Variants in NAV2 observed in about 807,000 individuals in gnomAD.
NAV2 encodes helicase, APC down-regulated 1.
NAV2 carries 54 observed loss-of-function variants against 223.2 expected under a neutral mutation model. That is an observed-to-expected ratio of 0.24 (90% CI 0.19 to 0.30). NAV2 has a LOEUF of 0.30. Among genes scored for constraint, NAV2 ranks in the 10% least tolerant of loss-of-function variants. The pLI is 1.00. For synonymous variants in NAV2, 1,279 were observed against 1,239.3 expected (o/e 1.03, Z -0.67); for missense variants, 2,806 against 3,147.5 (o/e 0.89, Z 2.60).
At chr11:19,398,022 T>C (rs941428059) in intron 1 of NAV2, among the ~76,000 whole-genome samples, 1 of 152,134 alleles carries the variant, frequency 6.6e-6, no homozygotes, top group Non-Finnish European at 1.5e-5. Flanking sequence ...ACTGGGGAAA[T>C]GGCACTGCTG....
Position 19,902,715 on chromosome 11 carries a change from G to T in NAV2, c.931+10121G>T, listed in dbSNP as rs190555598. 8.5e-5 allele frequency among the ~76,000 whole-genome samples: 13 copies of T among 152,164 alleles called. No homozygotes were observed. The East Asian group carries it at 2.5e-3, about 29-fold the overall frequency. ...GGAGGGAGAAGTATTTACCTTTCTG[G>T]GTGCTCTCATAATAGTCATTTTTAT... On this transcript the variant is annotated intron_variant, in intron 6 of 37. Coordinates refer to ENST00000349880, the MANE Select transcript of NAV2 (RefSeq NM_145117.5).
chr11:19,810,768 G>A (rs1018823877), intron 1 of NAV2, among the ~76,000 whole-genome samples: 6 of 152,160 alleles, frequency 3.9e-5, no homozygotes, highest in African/African-American at 1.4e-4. Flanking sequence ...TGAGGTTGAG[G>A]TAGATGCCCA....
chr11:19,897,457 A>G (rs539324673), intron 6 of NAV2, among the ~76,000 whole-genome samples: 1 of 152,296 alleles, frequency 6.6e-6, no homozygotes, highest in Admixed American at 6.5e-5. Context: ...TTTGTAGGGA[A>G]ATCCTAAAGA....
intron 1 of NAV2, among the ~76,000 whole-genome samples, chr11:19,532,530 C>T (rs2044056510): frequency 6.6e-6 from 1 of 152,184 alleles, no homozygotes; most frequent in Non-Finnish European, 1.5e-5. Flanking sequence ...CTTTGAACAT[C>T]TACTAGGTGA....
intron 1 of NAV2, among the ~76,000 whole-genome samples, chr11:19,422,341 T>C (rs1435697370): frequency 6.6e-6 from 1 of 152,190 alleles, no homozygotes; most frequent in Non-Finnish European, 1.5e-5. Flanking sequence ...TTAAGAGGCC[T>C]TCATGCGTGA....
At position 19,933,404 on chromosome 11, in the gene NAV2, C is replaced by T; in HGVS notation, c.1160C>T (p.Thr387Ile). The change falls in exon 7 of 38, where the codon ACA (threonine) becomes ATA (isoleucine). Residue 387 changes from threonine to isoleucine, a missense_variant. Around this residue, in one of 4 missense-constraint regions of NAV2, gnomAD observed 1,167 missense variants for 1,180.5 expected, o/e 0.99. Transcript: ENST00000349880. The surrounding 1 kb of genome is among the most constrained non-coding windows in gnomAD (Gnocchi z 4.3). ...CCTGGGCCTGAGGCCCCCAGGCCCACACCTGAAGCCATGAAGCCGGCCCCC... is the reference window on the plus strand; with the variant it reads ...CCTGGGCCTGAGGCCCCCAGGCCCATACCTGAAGCCATGAAGCCGGCCCCC... ...KPPGPEAPRP[T>I]PEAMKPAPNN... 1 of 1,579,430 alleles carries T rather than the reference C, an allele frequency of 6.3e-7. No homozygotes were observed. Among genetic ancestry groups the T allele is most frequent in the Non-Finnish European group, 8.6e-7 (1 of 1,163,384 alleles).
chr11:19,783,795 T>C (rs2152690947), intron 1 of NAV2, among the ~76,000 whole-genome samples: 1 of 152,314 alleles, frequency 6.6e-6, no homozygotes, highest in East Asian at 1.9e-4. Context: ...AAGATACAGG[T>C]ATTCAGAGCA....
chr11:19,741,613 C>G (rs1399130785), intron 1 of NAV2, among the ~76,000 whole-genome samples: 1 of 148,036 alleles, frequency 6.8e-6, no homozygotes, highest in Non-Finnish European at 1.5e-5. Flanking sequence ...CATGTTGATG[C>G]AAATGGCATG....
chr11:19,823,479 T>A (rs7947154), intron 1 of NAV2, among the ~76,000 whole-genome samples: 148,354 of 152,298 alleles, frequency 0.97, 72,366 homozygotes, highest in East Asian at 1. Flanking sequence ...AAGTGTTGGA[T>A]TTACAGGCGT....
rs368683987 is a variant in NAV2, at chr11:20,068,308, C to T, written c.4909-16C>T. On this transcript the variant is annotated splice_polypyrimidine_tract_variant and intron_variant, in intron 21 of 37. Coordinates refer to ENST00000349880, the MANE Select transcript of NAV2 (RefSeq NM_145117.5). ...GGACCCCCAAAGCATGTAACCCTCT[C>T]CCTTGTCATCTTTAGATTCGCAAGC... The T allele has an allele frequency of 7.4e-6, 12 of 1,613,618 alleles. No individual in the cohort carries two copies. Among genetic ancestry groups the T allele is most frequent in the African/African-American group, 2.7e-5 (2 of 74,902 alleles).
chr11:19,568,834 A>T lies in NAV2; in HGVS notation c.75+217807A>T, dbSNP rs554416959. Among the ~76,000 whole-genome samples, 28 of 152,282 alleles carry T rather than the reference A, an allele frequency of 1.8e-4. No individual in the cohort carries two copies. The South Asian group carries it at 2.9e-3, about 16-fold the overall frequency. On this transcript the variant is annotated intron_variant, in intron 1 of 37. Coordinates refer to the NAV2 transcript ENST00000360655. ...GCAAAGGTGAGGTCTCTCTAATTCT[A>T]ATCTAAGTGGATCTGATTAGGAGTT...
At chr11:19,812,254 C>T (rs990966528) in intron 1 of NAV2, among the ~76,000 whole-genome samples, 1 of 151,932 alleles carries the variant, frequency 6.6e-6, no homozygotes, top group African/African-American at 2.4e-5. Context: ...GAGAACCACC[C>T]CCTGAGCCTT....
At chr11:19,766,898 T>C (rs1366113679) in intron 1 of NAV2, among the ~76,000 whole-genome samples, 1 of 152,026 alleles carries the variant, frequency 6.6e-6, no homozygotes, top group Non-Finnish European at 1.5e-5. Context: ...AGGGCAATCA[T>C]AAAAGGCCCC....
intron 19 of NAV2, among the ~76,000 whole-genome samples, chr11:20,057,364 T>C (rs1419926107): frequency 6.6e-6 from 1 of 152,212 alleles, no homozygotes; most frequent in Admixed American, 6.5e-5. Flanking sequence ...CCCTGATTTA[T>C]GTATCATTTG....
At position 19,567,482 on chromosome 11, in the gene NAV2, G is replaced by A. The variant is rs186555705; in HGVS notation, c.75+216455G>A. On this transcript the variant is annotated intron_variant, in intron 1 of 37. Coordinates refer to the NAV2 transcript ENST00000360655. The stretch of plus-strand genomic sequence containing the variant: ...CCTTCTCTCTTTTCCCATCAGCACT[G>A]TCCAGAGAGGTTGAGTGATTTGCCC... 5.9e-5 allele frequency among the ~76,000 whole-genome samples: 9 copies of A among 152,280 alleles called. No individual in the cohort carries two copies. The East Asian group carries it at 1.5e-3, about 26-fold the overall frequency.
At chr11:19,384,262 A>T (rs1412639788) in intron 1 of NAV2, among the ~76,000 whole-genome samples, 1 of 152,186 alleles carries the variant, frequency 6.6e-6, no homozygotes, top group Non-Finnish European at 1.5e-5. Context: ...GTATTTGTGT[A>T]TTTTTCTTCT....
intron 1 of NAV2, among the ~76,000 whole-genome samples, chr11:19,353,802 A>G (rs997034711): frequency 2.0e-5 from 3 of 152,230 alleles, no homozygotes; most frequent in Non-Finnish European, 4.4e-5. Flanking sequence ...AATACAGAAT[A>G]TAAATTTCTC....
chr11:19,902,842 A>G (rs2042561980), intron 6 of NAV2, among the ~76,000 whole-genome samples: 1 of 152,228 alleles, frequency 6.6e-6, no homozygotes, highest in Non-Finnish European at 1.5e-5. Context: ...ACAGTGTTCA[A>G]CAGCATGAGA....
chr11:20,092,221 C>T lies in NAV2; in HGVS notation c.5668C>T (p.Leu1890=), dbSNP rs1293866832. The change falls in exon 28 of 38, where the codon CTG becomes TTG. Residue 1890 remains leucine, a synonymous_variant. Transcript: ENST00000349880. ...MNRMQSEIEK[L]KAENDRLKSE... ...CTCTTTGCAGAGTGAAATAGAGAAG[C>T]TGAAAGCTGAGAATGATCGGCTGAA... 7 of 1,614,092 alleles carry T rather than the reference C, an allele frequency of 4.3e-6. No individual in the cohort carries two copies. Among genetic ancestry groups the T allele is most frequent in the African/African-American group, 1.3e-5 (1 of 74,936 alleles).
Sources: gnomAD v4.1 joint callset for allele counts (sites outside exome capture counted in the v4.1 genomes callset) on GRCh38, gnomAD v4.1.1 for gene constraint, gnomAD v4.1.1 regional missense constraint, Gnocchi (gnomAD v3.1) non-coding constraint, MANE v1.5 for transcripts, NCBI Gene and HGNC (gene_info 2026-07-23, HGNC 2026-07-21) for gene names.